Variants in DRC11 observed in about 807,000 individuals in gnomAD.
DRC11 encodes dynein regulatory complex subunit 11, also known as IQ and AAA domain-containing protein 1.
At chr2:236,313,353 TATCA>T in the DRC11 span, among the ~76,000 whole-genome samples, 2 of 152,202 alleles carry the variant, frequency 1.3e-5, no homozygotes, top group Non-Finnish European at 2.9e-5. The surrounding 1 kb of genome is among the most constrained non-coding windows in gnomAD (Gnocchi z 4.5). Context: ...GTTTAACCAT[TATCA>T]ATCAATCAAT....
chr2:236,344,596 T>C, the DRC11 span: 5 of 1,613,832 alleles, frequency 3.1e-6, no homozygotes, highest in Non-Finnish European at 3.4e-6. Context: ...AGAAGGTTTT[T>C]TCTGTGTCTT....
the DRC11 span, among the ~76,000 whole-genome samples, chr2:236,488,677 T>A: frequency 6.6e-6 from 1 of 152,182 alleles, no homozygotes; most frequent in Non-Finnish European, 1.5e-5. Context: ...ATCGAAATCA[T>A]TTTGGGGGCA....
At chr2:236,310,398 C>T in the DRC11 span, among the ~76,000 whole-genome samples, 24 of 152,320 alleles carry the variant, frequency 1.6e-4, no homozygotes, top group South Asian at 4.6e-3. The surrounding 1 kb of genome is among the most constrained non-coding windows in gnomAD (Gnocchi z 5.5). Context: ...TACAGGGAGC[C>T]TTGATGGTTC....
chr2:236,315,721 G>A, the DRC11 span, among the ~76,000 whole-genome samples: 7 of 152,192 alleles, frequency 4.6e-5, no homozygotes, highest in South Asian at 1.4e-3. This position sits in a 1 kb window ranked among gnomAD's most constrained non-coding sequence, Gnocchi z 5.1. Context: ...GATGAAGCTG[G>A]AAGCCATTAT....
the DRC11 span, among the ~76,000 whole-genome samples, chr2:236,459,681 G>GTA: frequency 2.9e-5 from 4 of 138,956 alleles, no homozygotes; most frequent in African/African-American, 5.3e-5. Context: ...ACGTATATAT[G>GTA]TATATACATA....
the DRC11 span, among the ~76,000 whole-genome samples, chr2:236,429,416 G>C: frequency 6.6e-6 from 1 of 152,120 alleles, no homozygotes; most frequent in Admixed American, 6.5e-5. The surrounding 1 kb of genome is among the most constrained non-coding windows in gnomAD (Gnocchi z 5.9). Flanking sequence ...GTAGCTACAG[G>C]GACCAGCTCT....
the DRC11 span, among the ~76,000 whole-genome samples, chr2:236,430,717 G>A: frequency 6.6e-6 from 1 of 152,212 alleles, no homozygotes; most frequent in Admixed American, 6.5e-5. The surrounding 1 kb of genome is among the most constrained non-coding windows in gnomAD (Gnocchi z 6.0). Context: ...TGGATCAAGT[G>A]TATGCACATT....
chr2:236,326,791 GTTGTGT>G, the DRC11 span, among the ~76,000 whole-genome samples: 461 of 127,734 alleles, frequency 3.6e-3, 3 homozygotes, highest in African/African-American at 0.013. Flanking sequence ...TTTCAGATTT[GTTGTGT>G]GTGTGTGTGT....
chr2:236,402,134 T>G, the DRC11 span, among the ~76,000 whole-genome samples: 1 of 152,182 alleles, frequency 6.6e-6, no homozygotes, highest in African/African-American at 2.4e-5. The surrounding 1 kb of genome is among the most constrained non-coding windows in gnomAD (Gnocchi z 6.0). Context: ...TGGCAGCGGC[T>G]CTTGCTCCCA....
At chr2:236,446,036 C>A in the DRC11 span, among the ~76,000 whole-genome samples, 2 of 152,126 alleles carry the variant, frequency 1.3e-5, no homozygotes, top group Non-Finnish European at 2.9e-5. The surrounding 1 kb of genome is among the most constrained non-coding windows in gnomAD (Gnocchi z 6.2). Flanking sequence ...CCACTTAGAG[C>A]ATGTTAAGAG....
chr2:236,491,196 A>ACACAG, the DRC11 span, among the ~76,000 whole-genome samples: 1 of 63,202 alleles, frequency 1.6e-5, no homozygotes, highest in African/African-American at 8.3e-5. Context: ...CAGTATATAT[A>ACACAG]TATATATATA....
chr2:236,420,262 C>T, the DRC11 span, among the ~76,000 whole-genome samples: 1 of 152,178 alleles, frequency 6.6e-6, no homozygotes, highest in African/African-American at 2.4e-5. The surrounding 1 kb of genome is among the most constrained non-coding windows in gnomAD (Gnocchi z 4.8). Flanking sequence ...AGTAGCTGAG[C>T]TGGGATTCAG....
At chr2:236,322,251 T>C in the DRC11 span, among the ~76,000 whole-genome samples, 6 of 131,846 alleles carry the variant, frequency 4.6e-5, no homozygotes, top group Admixed American at 2.8e-4. Flanking sequence ...TTTTTTTTTT[T>C]TGAGACAGAG....
the DRC11 span, among the ~76,000 whole-genome samples, chr2:236,388,735 G>C: frequency 2.7e-5 from 4 of 150,018 alleles, no homozygotes; most frequent in African/African-American, 7.4e-5. Flanking sequence ...GAGGAGAGGC[G>C]CTCTGCTTTT....
At chr2:236,368,080 A>T in the DRC11 span, 1 of 729,410 alleles carries the variant, frequency 1.4e-6, no homozygotes, top group African/African-American at 1.7e-5. Flanking sequence ...AATTCTCAGT[A>T]GGAAAAGTTA....
the DRC11 span, chr2:236,441,165 C>A: frequency 1.5e-6 from 2 of 1,333,032 alleles, no homozygotes; most frequent in Non-Finnish European, 2.1e-6. Context: ...GAAATGAAGT[C>A]CTCTCTTGTT....
the DRC11 span, chr2:236,412,688 G>GT: frequency 6.6e-6 from 1 of 152,240 alleles, no homozygotes; most frequent in South Asian, 2.1e-4. Flanking sequence ...ATCCTTTGTG[G>GT]TATCTCTTGC....
the DRC11 span, among the ~76,000 whole-genome samples, chr2:236,346,281 C>T: frequency 6.6e-6 from 1 of 152,228 alleles, no homozygotes; most frequent in Admixed American, 6.5e-5. Flanking sequence ...TGGTCAGAGC[C>T]AGCACACACC....
At chr2:236,382,290 G>C in the DRC11 span, among the ~76,000 whole-genome samples, 16 of 152,274 alleles carry the variant, frequency 1.1e-4, no homozygotes, top group African/African-American at 3.9e-4. Context: ...TCTCTGTCCT[G>C]TTCCACTGAT....
Sources: allele counts gnomAD v4.1 joint callset (sites outside exome capture counted in the v4.1 genomes callset), GRCh38; gene constraint gnomAD v4.1.1; non-coding constraint Gnocchi (gnomAD v3.1); transcripts MANE v1.5; gene names NCBI Gene and HGNC (gene_info 2026-07-23, HGNC 2026-07-21).